The following FMN1 variants were observed in gnomAD, a reference collection of about 807,000 sequenced individuals.
FMN1 encodes formin-1.
FMN1 carries 110 observed loss-of-function variants against 132.4 expected under a neutral mutation model. The ratio of observed to expected loss-of-function variants is 0.83; its 90% CI spans 0.71 to 0.97. The LOEUF (loss-of-function observed/expected upper bound fraction) is 0.97, where lower values mean the gene tolerates loss of function less well. Ranked by LOEUF, FMN1 falls within the 50% of genes least tolerant of loss-of-function variation. FMN1 has a pLI of 0.00. For missense variants in FMN1, 1,792 were observed against 1,705.3 expected (o/e 1.05, Z -0.90); for synonymous variants, 722 against 651.7 (o/e 1.11, Z -1.64).
At chr15:32,855,990 T>C (rs1223490905) in intron 17 of FMN1, among the ~76,000 whole-genome samples, 1 of 152,222 alleles carries the variant, frequency 6.6e-6, no homozygotes, top group Non-Finnish European at 1.5e-5. Flanking sequence ...GAAATCTGAC[T>C]TCTCCTACTT....
chr15:32,798,292 G>A (rs1004038690), intron 19 of FMN1, among the ~76,000 whole-genome samples: 6 of 152,016 alleles, frequency 3.9e-5, no homozygotes, highest in African/African-American at 4.8e-5. Context: ...GAGGCTGAGC[G>A]GCACGCAGTT....
At position 33,126,152 on chromosome 15, in the gene FMN1, C is replaced by T. The variant is rs563517870; in HGVS notation, c.1867+26896G>A. On this transcript the variant is annotated intron_variant, in intron 4 of 20. Coordinates refer to ENST00000616417, the MANE Select transcript of FMN1 (RefSeq NM_001277313.2). ...ACAGCTGCTGACTAAATGAGTTTAT[C>T]CCCGGTCATGAGGAGCATACATCCT... is the stretch of plus-strand genomic sequence containing the variant. Among the ~76,000 whole-genome samples, 10 of 152,156 alleles carry T rather than the reference C, an allele frequency of 6.6e-5. 1 individual carries two copies. Among genetic ancestry groups the T allele is most frequent in the African/African-American group, 2.2e-4 (9 of 41,512 alleles).
At chr15:33,125,205 A>G (rs1014516551) in intron 4 of FMN1, among the ~76,000 whole-genome samples, 8 of 151,642 alleles carry the variant, frequency 5.3e-5, no homozygotes, top group African/African-American at 1.4e-4. Flanking sequence ...TCAGCTTAAG[A>G]AGGTCACCTA....
chr15:33,169,995 A>G (rs7182260), intron 3 of FMN1, among the ~76,000 whole-genome samples: 125,296 of 152,062 alleles, frequency 0.82, 52,189 homozygotes, highest in Middle Eastern at 0.92. Flanking sequence ...ATACCATCAG[A>G]AGAAAGACGC....
chr15:32,988,121 TG>T (rs1243857536), intron 7 of FMN1, among the ~76,000 whole-genome samples: 1 of 150,136 alleles, frequency 6.7e-6, no homozygotes, highest in Non-Finnish European at 1.5e-5. Flanking sequence ...GTGATGCTGT[TG>T]GACTCCAATG....
chr15:33,108,804 C>A (rs2039585496), intron 4 of FMN1, among the ~76,000 whole-genome samples: 1 of 152,088 alleles, frequency 6.6e-6, no homozygotes, highest in Non-Finnish European at 1.5e-5. Flanking sequence ...GCCCAAACAA[C>A]TCCCCTGTCT....
Position 33,154,699 on chromosome 15 carries a change from G to A in FMN1, c.216C>T (p.Asp72=). The stretch of plus-strand genomic sequence containing the variant: ...TCGTGGGAGTCTGCTTGAAAAATAT[G>A]TCGCCTGGATGTTCGTCCGGCTCCT... The part of the protein sequence containing the change: ...LSQEPDEHPG[D]IFFKQTPTKD... Residue 72 remains aspartate (D), a synonymous_variant, in exon 4 of 21, where the codon GAC becomes GAT. Coordinates refer to ENST00000616417, the MANE Select transcript of FMN1 (RefSeq NM_001277313.2). 6.5e-7 allele frequency: 1 copy of A among 1,536,078 alleles called. No individual in the cohort carries two copies. The highest frequency in any genetic ancestry group is 8.7e-7 in the Non-Finnish European group (1 of 1,146,902).
intron 19 of FMN1, among the ~76,000 whole-genome samples, chr15:32,789,749 G>A (rs2057005795): frequency 6.6e-6 from 1 of 152,052 alleles, no homozygotes; most frequent in Non-Finnish European, 1.5e-5. Context: ...CTCCATTCAT[G>A]GTTAAGCGCC....
intron 5 of FMN1, among the ~76,000 whole-genome samples, chr15:33,077,942 C>A (rs1468235410): frequency 6.6e-6 from 1 of 152,224 alleles, no homozygotes; most frequent in South Asian, 2.1e-4. Context: ...AATGAGATAC[C>A]ATCTCACACC....
At chr15:32,819,057 A>G (rs1052044034) in intron 17 of FMN1, among the ~76,000 whole-genome samples, 2 of 152,162 alleles carry the variant, frequency 1.3e-5, no homozygotes, top group African/African-American at 4.8e-5. Flanking sequence ...TTGTGATTGC[A>G]CTTCAGGGAG....
intron 6 of FMN1, among the ~76,000 whole-genome samples, chr15:33,011,557 G>A (rs12902947): frequency 0.17 from 25,875 of 151,866 alleles, 2,522 homozygotes; most frequent in African/African-American, 0.25. Context: ...AATATATATA[G>A]AGGAAAAAAC....
chr15:33,134,730 G>T (rs143706106), intron 4 of FMN1, among the ~76,000 whole-genome samples: 1 of 152,144 alleles, frequency 6.6e-6, no homozygotes, highest in Non-Finnish European at 1.5e-5. Flanking sequence ...GGCCAGGTGC[G>T]GTGGCTCACG....
In FMN1 at chr15:32,925,427, C is replaced by G. The variant is rs551247815; in HGVS notation, c.3226+747G>C. 2.0e-5 allele frequency among the ~76,000 whole-genome samples: 3 copies of G among 152,150 alleles called. No homozygotes were observed. The East Asian group carries it at 5.8e-4, about 29-fold the overall frequency. On this transcript the variant is annotated intron_variant, in intron 10 of 20. Transcript: ENST00000616417. ...CAGACAGTTTATAGAAAACAGGGGA[C>G]AGGGGAACATGATAAATAAAAACAT...
At chr15:32,926,959 A>AT (rs972171638) in intron 9 of FMN1, among the ~76,000 whole-genome samples, 8 of 151,926 alleles carry the variant, frequency 5.3e-5, no homozygotes, top group African/African-American at 1.9e-4. Context: ...TAATTTTTAA[A>AT]TTTTTTTATA....
chr15:32,969,479 T>C lies in FMN1; in HGVS notation c.2224-2A>G, dbSNP rs1413599765. 1 of 1,612,326 alleles carries C rather than the reference T, an allele frequency of 6.2e-7. No individual in the cohort carries two copies. Among genetic ancestry groups the C allele is most frequent in the Admixed American group, 1.7e-5 (1 of 59,786 alleles). On this transcript the variant is annotated splice_acceptor_variant, in intron 7 of 20. Transcript: ENST00000616417. LOFTEE classifies it high-confidence loss of function. Reference sequence around the variant, plus strand: ...AAATGCCCGAAGTTCAAACTGTGCCTATAGGAAAATTCAGAGGGAAAGAAA... The same window carrying C: ...AAATGCCCGAAGTTCAAACTGTGCCCATAGGAAAATTCAGAGGGAAAGAAA...
At chr15:33,111,629 G>A (rs554465617) in intron 4 of FMN1, among the ~76,000 whole-genome samples, 5 of 152,162 alleles carry the variant, frequency 3.3e-5, no homozygotes, top group Non-Finnish European at 5.9e-5. Flanking sequence ...CCATATGAAG[G>A]AGTATCTTTT....
intron 10 of FMN1, among the ~76,000 whole-genome samples, chr15:32,922,301 T>A (rs2060847536): frequency 6.6e-6 from 1 of 152,224 alleles, no homozygotes; most frequent in African/African-American, 2.4e-5. Flanking sequence ...TCTGATCCTA[T>A]CTAGTTTAAG....
chr15:33,015,356 G>C (rs1367943082), intron 6 of FMN1, among the ~76,000 whole-genome samples: 2 of 152,166 alleles, frequency 1.3e-5, no homozygotes, highest in Admixed American at 1.3e-4. Flanking sequence ...GGGTCAGAGT[G>C]AATGGTGTGA....
chr15:32,811,877 A>G (rs2057893352), intron 17 of FMN1, among the ~76,000 whole-genome samples: 1 of 151,978 alleles, frequency 6.6e-6, no homozygotes, highest in African/African-American at 2.4e-5. Flanking sequence ...GAAACTCCTG[A>G]CCTCAAGTGA....
Sources: gnomAD v4.1 joint callset for allele counts (sites outside exome capture counted in the v4.1 genomes callset) on GRCh38, gnomAD v4.1.1 for gene constraint, MANE v1.5 for transcripts, NCBI Gene and HGNC (gene_info 2026-07-23, HGNC 2026-07-21) for gene names.